The following CHMP3 variants were observed in gnomAD, a reference collection of about 807,000 sequenced individuals.
The protein encoded by CHMP3 is charged multivesicular body protein 3.
A neutral mutation model predicts 27.4 loss-of-function variants in CHMP3; 8 were observed. The ratio of observed to expected loss-of-function variants is 0.29; its 90% CI spans 0.17 to 0.53. The LOEUF (loss-of-function observed/expected upper bound fraction) is 0.53. Ranked by LOEUF, CHMP3 falls within the 20% of genes least tolerant of loss-of-function variation. CHMP3 has a pLI of 0.96. For synonymous variants in CHMP3, 86 were observed against 85.5 expected, an observed-to-expected ratio of 1.01 and a Z score of -0.03; for missense variants, 208 against 271.5, an observed-to-expected ratio of 0.77 and a Z score of 1.64.
intron 4 of CHMP3, among the ~76,000 whole-genome samples, chr2:86,508,635 T>C (rs1674977706): frequency 6.6e-6 from 1 of 152,208 alleles, no homozygotes; most frequent in Admixed American, 6.5e-5. Context: ...AGGTCACATG[T>C]AGCAGCTCCG....
At chr2:86,534,705 A>T (rs1441881213) in intron 2 of CHMP3, among the ~76,000 whole-genome samples, 3 of 152,152 alleles carry the variant, frequency 2.0e-5, no homozygotes, top group African/African-American at 4.8e-5. Flanking sequence ...TCTTTAATTA[A>T]TATATAATGT....
At chr2:86,527,193 G>A (rs1454247467) in intron 3 of CHMP3, 1 of 151,520 alleles carries the variant, frequency 6.6e-6, no homozygotes, top group Non-Finnish European at 1.5e-5. Context: ...TGGATCACTT[G>A]AGCTCAGCAG....
intron 3 of CHMP3, among the ~76,000 whole-genome samples, chr2:86,526,763 TTTCA>T (rs1345510212): frequency 1.3e-5 from 2 of 151,862 alleles, no homozygotes; most frequent in East Asian, 1.9e-4. Context: ...AGAGACAGGG[TTTCA>T]TTATGTTTCC....
At chr2:86,536,625 T>C (rs1035336591) in intron 2 of CHMP3, among the ~76,000 whole-genome samples, 1 of 152,240 alleles carries the variant, frequency 6.6e-6, no homozygotes, top group Non-Finnish European at 1.5e-5. Context: ...CCTTTTAAGA[T>C]TCTCTCACTG....
chr2:86,515,288 A>T (rs1675253739), intron 3 of CHMP3: 1 of 151,860 alleles, frequency 6.6e-6, no homozygotes, highest in African/African-American at 2.4e-5. Flanking sequence ...ATTTTAGTAT[A>T]TGTGCTGCCC....
At chr2:86,521,408 C>T (rs1675518618) in intron 3 of CHMP3, among the ~76,000 whole-genome samples, 2 of 152,290 alleles carry the variant, frequency 1.3e-5, no homozygotes, top group South Asian at 2.1e-4. Flanking sequence ...ACATAAAATA[C>T]ATTATTTTAA....
intron 1 of CHMP3, among the ~76,000 whole-genome samples, chr2:86,558,874 A>G (rs1189797427): frequency 6.6e-6 from 1 of 151,974 alleles, no homozygotes; most frequent in Non-Finnish European, 1.5e-5. Context: ...TTAAAAGAAA[A>G]AAAAAAAAAA....
At chr2:86,535,994 C>CTTTTTTTTT (rs60555193) in intron 2 of CHMP3, among the ~76,000 whole-genome samples, 2 of 111,542 alleles carry the variant, frequency 1.8e-5, no homozygotes, top group East Asian at 2.7e-4. Flanking sequence ...ATAAACCTTT[C>CTTTTTTTTT]TTTTTTTTTT....
At chr2:86,526,315 T>C (rs1363136326) in intron 3 of CHMP3, among the ~76,000 whole-genome samples, 1 of 152,168 alleles carries the variant, frequency 6.6e-6, no homozygotes, top group Non-Finnish European at 1.5e-5. Flanking sequence ...TCGAGTTTAG[T>C]AGCTCTGAGA....
intron 1 of CHMP3, among the ~76,000 whole-genome samples, chr2:86,555,108 A>C (rs1227560021): frequency 6.6e-6 from 1 of 152,104 alleles, no homozygotes; most frequent in African/African-American, 2.4e-5. Flanking sequence ...CCAGCCTCCC[A>C]AAGTGCTGGG....
intron 1 of CHMP3, among the ~76,000 whole-genome samples, chr2:86,546,341 G>C (rs937891720): frequency 7.5e-6 from 1 of 134,190 alleles, no homozygotes; most frequent in Non-Finnish European, 1.6e-5. Context: ...GTCCAGCCTC[G>C]GCAACAGAGG....
intron 3 of CHMP3, among the ~76,000 whole-genome samples, chr2:86,523,413 TTTA>T (rs1179108783): frequency 4.6e-5 from 7 of 152,178 alleles, no homozygotes; most frequent in African/African-American, 1.7e-4. Flanking sequence ...GATTATTAAA[TTTA>T]TTATTTTTAT....
intron 2 of CHMP3, 66 bp from the exon 3 acceptor site, chr2:86,529,463 T>C: frequency 7.0e-7 from 1 of 1,428,784 alleles, no homozygotes; most frequent in Non-Finnish European, 9.3e-7. Context: ...AAATACATTC[T>C]TATTGTGATC....
chr2:86,510,277 C>A lies in CHMP3; in HGVS notation c.408+81G>T. ...CAGGTGTAGTCTGTTCATCCCCACC[C>A]ACCCTCATCCCTAGCCCCCTGTTAC... On this transcript the variant is annotated intron_variant, in intron 4 of 5. Transcript: ENST00000263856. 7.1e-6 allele frequency: 8 copies of A among 1,118,928 alleles called. 1 individual carries two copies. Among genetic ancestry groups the A allele is most frequent in the Non-Finnish European group, 9.1e-6 (7 of 773,044 alleles). The allele number at this position is 1,118,928 out of a possible 1,614,324, so 69.3% of individuals were successfully genotyped here.
intron 1 of CHMP3, among the ~76,000 whole-genome samples, chr2:86,550,027 G>A (rs1398909139): frequency 6.6e-6 from 1 of 152,236 alleles, no homozygotes; most frequent in African/African-American, 2.4e-5. Context: ...CAAGGCAGGT[G>A]GCTGGAAGGT....
At chr2:86,509,559 A>C (rs1218344312) in intron 4 of CHMP3, among the ~76,000 whole-genome samples, 3 of 152,064 alleles carry the variant, frequency 2.0e-5, no homozygotes, top group Admixed American at 6.5e-5. Flanking sequence ...TGAGGTGTAC[A>C]CTCTTGGTTG....
At chr2:86,513,291 A>T (rs1422881256) in intron 3 of CHMP3, among the ~76,000 whole-genome samples, 1 of 152,242 alleles carries the variant, frequency 6.6e-6, no homozygotes, top group Non-Finnish European at 1.5e-5. Context: ...ACTATATGAC[A>T]TTCTAGAAAA....
intron 2 of CHMP3, among the ~76,000 whole-genome samples, chr2:86,532,711 C>A (rs186090305): frequency 4.7e-4 from 71 of 152,280 alleles, no homozygotes; most frequent in African/African-American, 1.7e-3. Flanking sequence ...TTTTCCCCTT[C>A]ATGCTGTTAA....
At position 86,505,871 on chromosome 2, in the gene CHMP3, T is replaced by C; in HGVS notation, c.602A>G (p.Glu201Gly). The stretch of plus-strand genomic sequence containing the variant: ...AGCCTCTTCCTCCTCCTCCTCATCC[T>C]CTGAGGCAGCCATCGCTCCTGGAGG... ...PEPPGAMAAS[E>G]DEEEEEEALE... Residue 201 changes from glutamate (E) to glycine (G), a missense_variant, in exon 6 of 6, where the codon GAG (glutamate) becomes GGG (glycine). Physicochemically the swap from Glu to Gly is moderately conservative, Grantham distance 98 (BLOSUM62 -2). Around this residue, in one of 3 missense-constraint regions of CHMP3, gnomAD observed 62 missense variants for 68.4 expected, o/e 0.91. Coordinates refer to ENST00000263856, the MANE Select transcript of CHMP3 (RefSeq NM_016079.4). The C allele has an allele frequency of 6.2e-7, 1 of 1,603,542 alleles. No homozygotes were observed. Among genetic ancestry groups the C allele is most frequent in the Non-Finnish European group, 8.5e-7 (1 of 1,174,804 alleles).
Sources: gnomAD v4.1 joint callset for allele counts (sites outside exome capture counted in the v4.1 genomes callset) on GRCh38, gnomAD v4.1.1 for gene constraint, gnomAD v4.1.1 regional missense constraint, MANE v1.5 for transcripts, NCBI Gene and HGNC (gene_info 2026-07-23, HGNC 2026-07-21) for gene names.